The following CNTNAP2 variants were observed in gnomAD, a reference collection of about 807,000 sequenced individuals.
The protein encoded by CNTNAP2 is contactin-associated protein-like 2.
CNTNAP2 carries 98 observed loss-of-function variants against 155.2 expected under a neutral mutation model. The ratio of observed to expected loss-of-function variants is 0.63; its 90% CI spans 0.54 to 0.75. The LOEUF (loss-of-function observed/expected upper bound fraction) is 0.75, where lower values mean the gene tolerates loss of function less well. Among genes scored for constraint, CNTNAP2 ranks in the 30% least tolerant of loss-of-function variants. CNTNAP2 has a pLI of 0.00. For missense variants in CNTNAP2, 1,727 were observed against 1,688.1 expected, an observed-to-expected ratio of 1.02 and a Z score of -0.40; for synonymous variants, 651 against 631.2, an observed-to-expected ratio of 1.03 and a Z score of -0.47.
At chr7:148,400,264 C>A (rs1420046183) in intron 22 of CNTNAP2, among the ~76,000 whole-genome samples, 2 of 152,226 alleles carry the variant, frequency 1.3e-5, no homozygotes, top group Non-Finnish European at 2.9e-5. Context: ...TTCCGGGGCA[C>A]CCTGCTGCCG....
At chr7:147,597,378 A>G (rs547151192) in intron 12 of CNTNAP2, among the ~76,000 whole-genome samples, 70 of 152,274 alleles carry the variant, frequency 4.6e-4, no homozygotes, top group Admixed American at 9.8e-4. Flanking sequence ...ACCAGTTCAA[A>G]TATCAATTGT....
intron 1 of CNTNAP2, among the ~76,000 whole-genome samples, chr7:146,673,874 C>A (rs1800351076): frequency 6.6e-6 from 1 of 152,178 alleles, no homozygotes; most frequent in African/African-American, 2.4e-5. Context: ...TGAGCCATTG[C>A]ACCTGCTGGA....
At chr7:148,173,299 A>C (rs183825730) in intron 18 of CNTNAP2, among the ~76,000 whole-genome samples, 1 of 152,324 alleles carries the variant, frequency 6.6e-6, no homozygotes, top group Admixed American at 6.5e-5. Flanking sequence ...TGCTTTTCCT[A>C]AGCCACAATT....
At chr7:146,334,854 T>G (rs1801248689) in intron 1 of CNTNAP2, among the ~76,000 whole-genome samples, 2 of 152,234 alleles carry the variant, frequency 1.3e-5, no homozygotes, top group Non-Finnish European at 2.9e-5. Flanking sequence ...TCCTCATTGC[T>G]TCCCTGCACA....
At chr7:147,954,016 C>T (rs1585046668) in intron 14 of CNTNAP2, among the ~76,000 whole-genome samples, 1 of 152,176 alleles carries the variant, frequency 6.6e-6, no homozygotes, top group East Asian at 1.9e-4. Flanking sequence ...ACAGAAGCTA[C>T]ACCAATTTAC....
At position 147,944,834 on chromosome 7, in the gene CNTNAP2, ATGTTT is replaced by A. The variant is rs1284320431; in HGVS notation, c.2256-33027_2256-33023del. On this transcript the variant is annotated intron_variant, in intron 14 of 23. Coordinates refer to ENST00000361727, the MANE Select transcript of CNTNAP2 (RefSeq NM_014141.6). ...TTCTCTCCCCAATGTTGGCTGAGTT[ATGTTT>A]ATACCTCACTTTGTAGATAATCCTT... Among the ~76,000 whole-genome samples the A allele has an allele frequency of 2.0e-5, 3 of 152,182 alleles. No homozygotes were observed. In the East Asian group the frequency reaches 5.8e-4, roughly 29 times the overall value.
chr7:147,113,630 C>T lies in CNTNAP2; in HGVS notation c.754+5280C>T, dbSNP rs1020228047. 1.3e-4 allele frequency among the ~76,000 whole-genome samples: 20 copies of T among 152,228 alleles called. 1 individual carries two copies. In the East Asian group the frequency reaches 1.9e-3, roughly 15 times the overall value. On this transcript the variant is annotated intron_variant, in intron 5 of 23. Transcript: ENST00000361727. Reference sequence around the variant, plus strand: ...ACCAGATGTCATGAGAACTCAATCACTATGATGAGAACAGCAAGGGGAACC... The same window carrying T: ...ACCAGATGTCATGAGAACTCAATCATTATGATGAGAACAGCAAGGGGAACC...
chr7:146,724,901 G>C (rs2129178268), intron 1 of CNTNAP2, among the ~76,000 whole-genome samples: 1 of 152,176 alleles, frequency 6.6e-6, no homozygotes, highest in Non-Finnish European at 1.5e-5. Context: ...CAGTGTATTA[G>C]TTCTTAGGGC....
chr7:147,342,748 A>G (rs371422954), intron 9 of CNTNAP2, among the ~76,000 whole-genome samples: 1 of 152,166 alleles, frequency 6.6e-6, no homozygotes, highest in East Asian at 1.9e-4. Flanking sequence ...CAGAAATACA[A>G]GCCACAACAG....
chr7:146,390,679 T>C (rs2129106517), intron 1 of CNTNAP2, among the ~76,000 whole-genome samples: 1 of 148,922 alleles, frequency 6.7e-6, no homozygotes, highest in South Asian at 2.1e-4. Context: ...TAAGTCTAGA[T>C]TGTGGCAAAT....
At chr7:146,286,075 T>A (rs1365840641) in intron 1 of CNTNAP2, among the ~76,000 whole-genome samples, 1 of 130,928 alleles carries the variant, frequency 7.6e-6, no homozygotes, top group Admixed American at 8.1e-5. Context: ...TCCCAGGCAG[T>A]TGGTTTATAG....
intron 1 of CNTNAP2, among the ~76,000 whole-genome samples, chr7:146,315,475 T>A (rs995411169): frequency 6.6e-6 from 1 of 152,116 alleles, no homozygotes. Context: ...CTTTTTCTAC[T>A]CATTTGGGTG....
chr7:147,515,527 T>G (rs553757241), intron 11 of CNTNAP2, among the ~76,000 whole-genome samples: 11 of 152,126 alleles, frequency 7.2e-5, no homozygotes, highest in African/African-American at 2.4e-4. Flanking sequence ...TTTACCATGT[T>G]GGCCAGGATG....
At chr7:147,031,938 A>G (rs1171657816) in intron 3 of CNTNAP2, among the ~76,000 whole-genome samples, 3 of 152,312 alleles carry the variant, frequency 2.0e-5, no homozygotes, top group East Asian at 3.9e-4. Context: ...AAAATTAACT[A>G]TGGTTATAGA....
chr7:147,445,748 C>T (rs1376531168), intron 10 of CNTNAP2, among the ~76,000 whole-genome samples: 1 of 152,050 alleles, frequency 6.6e-6, no homozygotes, highest in African/African-American at 2.4e-5. Flanking sequence ...CTGCATTAGT[C>T]TATCTATGTT....
At chr7:147,137,360 AATAAT>A (rs1446419344) in intron 8 of CNTNAP2, among the ~76,000 whole-genome samples, 4 of 151,558 alleles carry the variant, frequency 2.6e-5, no homozygotes, top group African/African-American at 7.2e-5. Flanking sequence ...ATCAGAATGA[AATAAT>A]ATAATACTAA....
chr7:147,756,516 T>A, intron 13 of CNTNAP2, among the ~76,000 whole-genome samples: 1 of 152,290 alleles, frequency 6.6e-6, no homozygotes, highest in South Asian at 2.1e-4. Flanking sequence ...GGATAGCCGA[T>A]GTTTTGTCAC....
chr7:146,832,587 A>G (rs1332959873), intron 2 of CNTNAP2, among the ~76,000 whole-genome samples: 1 of 148,010 alleles, frequency 6.8e-6, no homozygotes, highest in Non-Finnish European at 1.5e-5. Context: ...ATTAATATTA[A>G]CTTCAATATA....
chr7:147,979,424 T>C (rs954599866), intron 15 of CNTNAP2, among the ~76,000 whole-genome samples: 1 of 152,214 alleles, frequency 6.6e-6, no homozygotes, highest in South Asian at 2.1e-4. Flanking sequence ...AAGACTGTCA[T>C]GTGTTGTCTA....
Sources: allele counts gnomAD v4.1 joint callset (sites outside exome capture counted in the v4.1 genomes callset), GRCh38; gene constraint gnomAD v4.1.1; transcripts MANE v1.5; gene names NCBI Gene and HGNC (gene_info 2026-07-23, HGNC 2026-07-21).